HTR7: variants seen among roughly 807,000 people sequenced by gnomAD.
HTR7 encodes the protein 5-hydroxytryptamine receptor 7.
A neutral mutation model predicts 34.0 loss-of-function variants in HTR7; 16 were observed. That is an observed-to-expected ratio of 0.47 (90% CI 0.32 to 0.71). The LOEUF is 0.71. Ranked by LOEUF, HTR7 falls within the 30% of genes least tolerant of loss-of-function variation. The pLI, the probability that HTR7 is intolerant of heterozygous loss-of-function variation, is 0.04. For synonymous variants in HTR7, 265 were observed against 260.2 expected, an observed-to-expected ratio of 1.02 and a Z score of -0.18; for missense variants, 504 against 625.5, an observed-to-expected ratio of 0.81 and a Z score of 2.07.
At chr10:90,845,703 GA>G (rs1219598424) in intron 1 of HTR7, among the ~76,000 whole-genome samples, 1 of 152,214 alleles carries the variant, frequency 6.6e-6, no homozygotes, top group African/African-American at 2.4e-5. Flanking sequence ...TGAAGTTTTA[GA>G]AAGTGTAGGT....
At chr10:90,815,737 A>C (rs1267028909) in intron 1 of HTR7, among the ~76,000 whole-genome samples, 1 of 152,216 alleles carries the variant, frequency 6.6e-6, no homozygotes, top group East Asian at 1.9e-4. Flanking sequence ...AGTTGAAGAA[A>C]AAAAAAATGG....
At chr10:90,775,596 C>A (rs1419038628) in intron 1 of HTR7, among the ~76,000 whole-genome samples, 1 of 152,208 alleles carries the variant, frequency 6.6e-6, no homozygotes, top group Non-Finnish European at 1.5e-5. Flanking sequence ...AACTATGAGG[C>A]CTTTTGTTTT....
intron 1 of HTR7, among the ~76,000 whole-genome samples, chr10:90,773,959 TA>T (rs1845163369): frequency 1.3e-5 from 2 of 152,176 alleles, no homozygotes; most frequent in African/African-American, 4.8e-5. Flanking sequence ...AAAATAAGGC[TA>T]TTTTTTTTTC....
At chr10:90,771,952 A>G (rs1038819914) in intron 1 of HTR7, among the ~76,000 whole-genome samples, 4 of 152,160 alleles carry the variant, frequency 2.6e-5, no homozygotes, top group Admixed American at 6.5e-5. Flanking sequence ...AGTAAAAGAT[A>G]CCTAACTTTC....
In HTR7 at chr10:90,849,476, G is replaced by C. The variant is rs563498443; in HGVS notation, c.539+7657C>G. ...ATATATTAGTTGGTGAGTTTTCATG[G>C]AGTAAACCCGATGCAGGAAAGAATC... On this transcript the variant is annotated intron_variant, in intron 1 of 3. Coordinates refer to ENST00000336152, the MANE Select transcript of HTR7 (RefSeq NM_019859.4). 3.9e-5 allele frequency among the ~76,000 whole-genome samples: 6 copies of C among 152,210 alleles called. No individual in the cohort carries two copies. The South Asian group carries it at 1.2e-3, about 32-fold the overall frequency.
chr10:90,804,421 T>G (rs1026881897), intron 1 of HTR7, among the ~76,000 whole-genome samples: 2 of 152,184 alleles, frequency 1.3e-5, no homozygotes, highest in Non-Finnish European at 2.9e-5. Flanking sequence ...ACATGCCCTC[T>G]GGGGTTCCAG....
chr10:90,828,546 C>G (rs570221597), intron 1 of HTR7, among the ~76,000 whole-genome samples: 3 of 152,066 alleles, frequency 2.0e-5, no homozygotes, highest in African/African-American at 7.2e-5. Flanking sequence ...TGCAGAAACT[C>G]AAAGGATTAT....
At chr10:90,771,748 G>C (rs960603229) in intron 1 of HTR7, among the ~76,000 whole-genome samples, 12 of 152,198 alleles carry the variant, frequency 7.9e-5, no homozygotes, top group African/African-American at 2.4e-4. Context: ...CTCCCTTGAA[G>C]GTGTGGGATC....
intron 1 of HTR7, among the ~76,000 whole-genome samples, chr10:90,831,833 T>C (rs1317787865): frequency 6.6e-6 from 1 of 152,166 alleles, no homozygotes; most frequent in African/African-American, 2.4e-5. Flanking sequence ...AGAGTGCTGA[T>C]TGGTGTATTT....
chr10:90,762,788 A>T (rs139097672), intron 1 of HTR7, among the ~76,000 whole-genome samples: 1 of 152,346 alleles, frequency 6.6e-6, no homozygotes, highest in African/African-American at 2.4e-5. Flanking sequence ...TAAATCGTTA[A>T]GCAATTTCAA....
At chr10:90,825,334 C>G (rs1846053784) in intron 1 of HTR7, among the ~76,000 whole-genome samples, 1 of 152,144 alleles carries the variant, frequency 6.6e-6, no homozygotes, top group Non-Finnish European at 1.5e-5. Context: ...AAACTTAGAT[C>G]ACAACATCCA....
chr10:90,830,274 T>C (rs1055229751), intron 1 of HTR7, among the ~76,000 whole-genome samples: 7 of 152,338 alleles, frequency 4.6e-5, no homozygotes, highest in South Asian at 4.1e-4. Flanking sequence ...TGATGAATAC[T>C]CTGCAATTAT....
intron 1 of HTR7, among the ~76,000 whole-genome samples, chr10:90,820,024 C>T (rs1411943216): frequency 6.6e-6 from 1 of 152,086 alleles, no homozygotes; most frequent in Non-Finnish European, 1.5e-5. Flanking sequence ...ACCATATCTA[C>T]ATTTATCAGG....
intron 1 of HTR7, among the ~76,000 whole-genome samples, chr10:90,762,589 T>C (rs1379004908): frequency 6.6e-6 from 1 of 152,208 alleles, no homozygotes; most frequent in Non-Finnish European, 1.5e-5. Flanking sequence ...TACATGGCCT[T>C]TTCATGTTGT....
At position 90,749,093 on chromosome 10, in the gene HTR7, C is replaced by T. The variant is rs768792786; in HGVS notation, c.1041G>A (p.Ser347=). Reference sequence around the variant, plus strand: ...TGCCACAGATGAAGGGTCTGGCTGTCGAGAGGAGGAAAAATGGCAGCCAGC... The same window carrying T: ...TGCCACAGATGAAGGGTCTGGCTGTTGAGAGGAGGAAAAATGGCAGCCAGC... ...TVCWLPFFLL[S]TARPFICGTS... The change falls in exon 2 of 4, where the codon TCG becomes TCA. Residue 347 remains serine (S), a synonymous_variant. Coordinates refer to ENST00000336152, the MANE Select transcript of HTR7 (RefSeq NM_019859.4). The surrounding 1 kb of genome is among the most constrained non-coding windows in gnomAD (Gnocchi z 4.2). 5 of 1,613,902 alleles carry T rather than the reference C, an allele frequency of 3.1e-6. No homozygotes were observed. The African/African-American group carries it at 4.0e-5, about 13-fold the overall frequency.
At chr10:90,777,513 A>G (rs1053165663) in intron 1 of HTR7, among the ~76,000 whole-genome samples, 1 of 151,980 alleles carries the variant, frequency 6.6e-6, no homozygotes, top group Admixed American at 6.5e-5. Context: ...TGCCTCCTAC[A>G]AAAAGAGGTA....
At chr10:90,825,518 A>G (rs769407660) in intron 1 of HTR7, among the ~76,000 whole-genome samples, 5 of 152,236 alleles carry the variant, frequency 3.3e-5, no homozygotes, top group Non-Finnish European at 7.3e-5. Flanking sequence ...ATAAGTCACC[A>G]GGAGCCAATC....
chr10:90,855,931 C>A (rs1364825522), intron 1 of HTR7, among the ~76,000 whole-genome samples: 1 of 152,052 alleles, frequency 6.6e-6, no homozygotes. Flanking sequence ...TAATTATAAA[C>A]CCTGGTCAAG....
In HTR7 at chr10:90,804,001, C is replaced by T. The variant is rs970147654; in HGVS notation, c.539+53132G>A. 8.5e-5 allele frequency among the ~76,000 whole-genome samples: 13 copies of T among 152,206 alleles called. No homozygotes were observed. In the East Asian group the frequency reaches 2.5e-3, roughly 29 times the overall value. On this transcript the variant is annotated intron_variant, in intron 1 of 3. Transcript: ENST00000336152. ...AACCTATAACCATAAAAACCCCAAG[C>T]TCCACTGGCAGAGGAGCAGAGCAGT...
Sources: gnomAD v4.1 joint callset for allele counts (sites outside exome capture counted in the v4.1 genomes callset) on GRCh38, gnomAD v4.1.1 for gene constraint, Gnocchi (gnomAD v3.1) non-coding constraint, MANE v1.5 for transcripts, NCBI Gene and HGNC (gene_info 2026-07-23, HGNC 2026-07-21) for gene names.